HMCN1: variants seen among roughly 807,000 people sequenced by gnomAD.
HMCN1 encodes the protein hemicentin-1.
A neutral mutation model predicts 625.9 loss-of-function variants in HMCN1; 321 were observed. That is an observed-to-expected ratio of 0.51 (90% CI 0.47 to 0.56). HMCN1 has a LOEUF of 0.56. Among genes scored for constraint, HMCN1 ranks in the 20% least tolerant of loss-of-function variants. The pLI is 0.00. For synonymous variants in HMCN1, 2,425 were observed against 2,417.6 expected (o/e 1.00, Z -0.09); for missense variants, 6,588 against 6,887.3 (o/e 0.96, Z 1.54).
At position 186,065,298 on chromosome 1, in the gene HMCN1, C is replaced by A. The variant is rs1167051920; in HGVS notation, c.7574C>A (p.Ala2525Asp). 4 of 1,612,398 alleles carry A rather than the reference C, an allele frequency of 2.5e-6. No individual in the cohort carries two copies. Among genetic ancestry groups the A allele is most frequent in the African/African-American group, 2.7e-5 (2 of 74,864 alleles). The change falls in exon 49 of 107, where the codon GCC becomes GAC. Residue 2525 changes from alanine (A) to aspartate (D), a missense_variant. Transcript: ENST00000271588. ...KDGQPLQEDE[A>D]HHIISGGRFL... ...GGGCAGCCCCTCCAAGAAGATGAAG[C>A]CCATCACATTATATCTGGTGGCCGT...
At chr1:185,984,090 AAAAG>A (rs1287310310) in intron 18 of HMCN1, 75 bp from the exon 19 acceptor site, 2 of 1,183,510 alleles carry the variant, frequency 1.7e-6, no homozygotes, top group Non-Finnish European at 2.4e-6. Context: ...AGTTGGGAAA[AAAAG>A]AAAAAGCAGG....
At chr1:186,054,267 G>T (rs1657160185) in intron 44 of HMCN1, among the ~76,000 whole-genome samples, 1 of 151,826 alleles carries the variant, frequency 6.6e-6, no homozygotes, top group South Asian at 2.1e-4. Flanking sequence ...ATGTGGAGGG[G>T]GAAGGGGGAG....
At chr1:186,185,428 T>TA (rs1343917180) in intron 105 of HMCN1, among the ~76,000 whole-genome samples, 1 of 152,174 alleles carries the variant, frequency 6.6e-6, no homozygotes, top group African/African-American at 2.4e-5. Flanking sequence ...TCCTGGCTGA[T>TA]AAAATCATAA....
In HMCN1 at chr1:186,153,822, G is replaced by A. The variant is rs375989485; in HGVS notation, c.15091G>A (p.Asp5031Asn). The A allele has an allele frequency of 1.2e-6, 2 of 1,614,002 alleles. No homozygotes were observed. The highest frequency in any genetic ancestry group is 1.7e-6 in the Non-Finnish European group (2 of 1,180,012). ...CTACTCAACCCGGCTGTTCACCATT[G>A]ATGGCATCAGCATCCCATACACATG... ...YAYSTRLFTI[D>N]GISIPYTWNH... is the part of the protein sequence containing the mutation. Residue 5031 changes from aspartate (D) to asparagine (N), a missense_variant, in exon 97 of 107, where the codon GAT becomes AAT. Asp to Asn is a conservative substitution (Grantham distance 23). This residue lies in a region of HMCN1 where 1,954 missense variants were observed against 2,013.1 expected (regional missense o/e 0.97). Transcript: ENST00000271588.
intron 1 of HMCN1, among the ~76,000 whole-genome samples, chr1:185,756,031 C>T (rs1655112967): frequency 6.6e-6 from 1 of 152,068 alleles, no homozygotes; most frequent in African/African-American, 2.4e-5. Flanking sequence ...TACTCTGTAC[C>T]TGTGTACTCT....
intron 1 of HMCN1, among the ~76,000 whole-genome samples, chr1:185,811,405 T>C (rs1191230732): frequency 1.3e-5 from 2 of 151,934 alleles, no homozygotes; most frequent in African/African-American, 4.8e-5. Flanking sequence ...GCCTGGGCGA[T>C]ATAGTGAGAC....
chr1:186,030,166 A>G (rs919568465), intron 36 of HMCN1, among the ~76,000 whole-genome samples: 2 of 152,106 alleles, frequency 1.3e-5, no homozygotes, highest in African/African-American at 4.8e-5. Context: ...TGTGCACTTG[A>G]GAAGAATGTG....
At chr1:186,128,978 A>C (rs1309347664) in intron 83 of HMCN1, among the ~76,000 whole-genome samples, 2 of 152,046 alleles carry the variant, frequency 1.3e-5, no homozygotes, top group African/African-American at 4.8e-5. Flanking sequence ...TATTATAAAG[A>C]GTTATGTTAA....
At chr1:185,942,949 AG>A (rs1396011042) in intron 11 of HMCN1, among the ~76,000 whole-genome samples, 1 of 152,006 alleles carries the variant, frequency 6.6e-6, no homozygotes, top group African/African-American at 2.4e-5. Context: ...ATACTGCAAG[AG>A]GGGGAAAAAA....
rs150631965 is a variant in HMCN1, at chr1:185,748,930, ACT to A, written c.268+13886_268+13887del. 8.3e-3 allele frequency among the ~76,000 whole-genome samples: 1,258 copies of A among 152,238 alleles called. 12 individuals are homozygous for A. The highest frequency in any genetic ancestry group is 0.027 in the Middle Eastern group (8 of 294). On this transcript the variant is annotated intron_variant, in intron 1 of 106. Transcript: ENST00000271588. ...GCTCTGTAACTGGGCAGGTAACTAG[ACT>A]CTTAGAATCTCAGTTTCTTTTTGCA...
chr1:186,172,049 C>A lies in HMCN1; in HGVS notation c.15732C>A (p.His5244Gln), dbSNP rs75161007. The A allele has an allele frequency of 6.2e-7, 1 of 1,613,722 alleles. No individual in the cohort carries two copies. The highest frequency in any genetic ancestry group is 8.5e-7 in the Non-Finnish European group (1 of 1,179,722). Residue 5244 changes from histidine to glutamine, a missense_variant, in exon 102 of 107, where the codon CAC becomes CAA. By Grantham distance (24) the His-to-Gln change is conservative. Coordinates refer to ENST00000271588, the MANE Select transcript of HMCN1 (RefSeq NM_031935.3). ...AAAATGTATGCAGACCAGATCAGCACTGTAAGAACACCCGTGGTGGCTATA... is the reference window on the plus strand; with the variant it reads ...AAAATGTATGCAGACCAGATCAGCAATGTAAGAACACCCGTGGTGGCTATA... Reference protein sequence around the residue: ...CRQNVCRPDQHCKNTRGGYKC... With the variant: ...CRQNVCRPDQQCKNTRGGYKC...
chr1:186,037,302 G>A (rs1221383644), intron 36 of HMCN1, among the ~76,000 whole-genome samples: 2 of 152,074 alleles, frequency 1.3e-5, no homozygotes, highest in East Asian at 1.9e-4. Context: ...AATGTTCCAA[G>A]TTATTTCTTT....
chr1:186,065,552 G>T, intron 49 of HMCN1, 123 bp downstream of exon 49: 1 of 624,046 alleles, frequency 1.6e-6, no homozygotes, highest in South Asian at 2.6e-5. Flanking sequence ...GAGGACCAGT[G>T]CTTGTGTACA....
chr1:185,910,544 A>T (rs1361305687), intron 5 of HMCN1, among the ~76,000 whole-genome samples: 1 of 151,308 alleles, frequency 6.6e-6, no homozygotes, highest in African/African-American at 2.4e-5. Context: ...CAAACATAGG[A>T]TGCTTATAAC....
rs1389926713 is a variant in HMCN1 at position 186,174,614 on chromosome 1, G to C, written c.15915G>C (p.Arg5305=). ...GTTGTGTATGCCCAAGAGGTTATCG[G>C]TCTCAAGGAGTTGGAAGACCCTGCA... ...SYRCVCPRGY[R]SQGVGRPCMD... Residue 5305 remains arginine (R), a synonymous_variant, in exon 103 of 107, where the codon CGG becomes CGC. Coordinates refer to ENST00000271588, the MANE Select transcript of HMCN1 (RefSeq NM_031935.3). 6.2e-7 allele frequency: 1 copy of C among 1,613,914 alleles called. No homozygotes were observed. The highest frequency in any genetic ancestry group is 8.5e-7 in the Non-Finnish European group (1 of 1,179,928).
At position 186,055,685 on chromosome 1, in the gene HMCN1, A is replaced by G. The variant is rs1316773392; in HGVS notation, c.7144+11A>G. 1 of 1,611,912 alleles carries G rather than the reference A, an allele frequency of 6.2e-7. No individual in the cohort carries two copies. Among genetic ancestry groups the G allele is most frequent in the African/African-American group, 1.3e-5 (1 of 74,814 alleles). On this transcript the variant is annotated intron_variant, in intron 45 of 106. Transcript: ENST00000271588. Reference sequence around the variant, plus strand: ...ACTTAAGTGTCCATGGTAAGTAGAAAGAGGCTCAATATGTCCATTCACTGG... The same window carrying G: ...ACTTAAGTGTCCATGGTAAGTAGAAGGAGGCTCAATATGTCCATTCACTGG...
chr1:185,901,424 CAT>C (rs1277970350), intron 4 of HMCN1, among the ~76,000 whole-genome samples: 2 of 151,602 alleles, frequency 1.3e-5, no homozygotes, highest in Non-Finnish European at 3.0e-5. Flanking sequence ...AAATTCACCA[CAT>C]GTTATAATGT....
chr1:185,997,468 C>T lies in HMCN1; in HGVS notation c.3818C>T (p.Thr1273Ile), dbSNP rs758151731. The part of the protein sequence containing the change: ...TVEDLEPPYN[T>I]TFQERVANQR... ...GAAGATCTAGAACCTCCATATAACA[C>T]TACTTTCCAAGAAAGAGTGGCCAAT... The change falls in exon 25 of 107, where the codon ACT becomes ATT. Residue 1273 changes from threonine (T) to isoleucine (I), a missense_variant. By Grantham distance (89) the Thr-to-Ile change is moderately conservative. Coordinates refer to ENST00000271588, the MANE Select transcript of HMCN1 (RefSeq NM_031935.3). The T allele has an allele frequency of 3.1e-6, 5 of 1,612,576 alleles. No homozygotes were observed. The African/African-American group carries it at 5.3e-5, about 17-fold the overall frequency.
chr1:186,167,342 G>T (rs1651941496), intron 100 of HMCN1, among the ~76,000 whole-genome samples: 1 of 152,104 alleles, frequency 6.6e-6, no homozygotes, highest in Non-Finnish European at 1.5e-5. Context: ...CTATTTTTTA[G>T]AACAGTTTTA....
Sources: gnomAD v4.1 joint callset for allele counts (sites outside exome capture counted in the v4.1 genomes callset) on GRCh38, gnomAD v4.1.1 for gene constraint, gnomAD v4.1.1 regional missense constraint, MANE v1.5 for transcripts, NCBI Gene and HGNC (gene_info 2026-07-23, HGNC 2026-07-21) for gene names.